Variants in DHDDS observed in about 807,000 individuals in gnomAD.
DHDDS encodes the protein dehydrodolichyl diphosphate synthase subunit.
Under a neutral mutation model 46.2 loss-of-function variants are expected in DHDDS, and 16 were observed. The observed-to-expected ratio is 0.35, with a 90% confidence interval of 0.23 to 0.53. DHDDS has a LOEUF of 0.53. Among genes scored for constraint, DHDDS ranks in the 20% least tolerant of loss-of-function variants. DHDDS has a pLI of 0.94. For synonymous variants in DHDDS, 151 were observed against 163.1 expected, an observed-to-expected ratio of 0.93 and a Z score of 0.56; for missense variants, 340 against 423.7, an observed-to-expected ratio of 0.80 and a Z score of 1.73.
At chr1:26,453,211 G>A (rs947727737) in intron 6 of DHDDS, among the ~76,000 whole-genome samples, 5 of 152,048 alleles carry the variant, frequency 3.3e-5, no homozygotes, top group East Asian at 3.9e-4. Context: ...TCAATGTTAC[G>A]AGTACTTTTC....
chr1:26,438,421 C>T (rs1316179900), intron 3 of DHDDS, 137 bp downstream of exon 3: 1 of 833,488 alleles, frequency 1.2e-6, no homozygotes, highest in African/African-American at 1.7e-5. Context: ...TGCTTGCTAG[C>T]TATAGATCTC....
intron 8 of DHDDS, among the ~76,000 whole-genome samples, chr1:26,463,052 G>C (rs2075441194): frequency 6.6e-6 from 1 of 152,236 alleles, no homozygotes; most frequent in African/African-American, 2.4e-5. Flanking sequence ...GGCAGGAAAT[G>C]AGGCTAGAGT....
intron 5 of DHDDS, 122 bp from the exon 6 acceptor site, chr1:26,447,437 A>G (rs2075279901): frequency 2.5e-6 from 2 of 803,736 alleles, no homozygotes; most frequent in African/African-American, 1.7e-5. Context: ...GGTATCCACA[A>G]TTAACATTTG....
Position 26,470,285 on chromosome 1 carries a change from C to T in DHDDS, c.*1154C>T, listed in dbSNP as rs2075539899. 6.6e-6 allele frequency: 1 copy of T among 151,608 alleles called. No individual in the cohort carries two copies. The highest frequency in any genetic ancestry group is 1.5e-5 in the Non-Finnish European group (1 of 68,030). The allele number at this position is 151,608 out of a possible 1,614,324, so 9.4% of individuals were successfully genotyped here. Reference sequence around the variant, plus strand: ...ACCAGCCAGCAACACCAACCAAATGCTACTCTCTTTAAAGTCCATTTTCCT... The same window carrying T: ...ACCAGCCAGCAACACCAACCAAATGTTACTCTCTTTAAAGTCCATTTTCCT... On this transcript the variant is annotated 3_prime_UTR_variant, in exon 9 of 9. Coordinates refer to ENST00000236342, the MANE Select transcript of DHDDS (RefSeq NM_205861.3).
chr1:26,458,000 G>T, intron 7 of DHDDS, 95 bp downstream of exon 7: 1 of 1,081,944 alleles, frequency 9.2e-7, no homozygotes, highest in East Asian at 2.4e-5. Context: ...CTCCCAAACA[G>T]GCTGGGGCCA....
intron 2 of DHDDS, among the ~76,000 whole-genome samples, chr1:26,437,520 G>C (rs2075172247): frequency 6.6e-6 from 1 of 151,412 alleles, no homozygotes; most frequent in African/African-American, 2.4e-5. Flanking sequence ...ACCCAGGCTG[G>C]AGTGCAGTGG....
intron 6 of DHDDS, 181 bp downstream of exon 6, chr1:26,447,841 C>A (rs552360072): frequency 2.0e-4 from 136 of 669,174 alleles, no homozygotes; most frequent in Middle Eastern, 7.9e-4. Flanking sequence ...ACAACAACAA[C>A]AAAAAAGCAG....
At position 26,456,156 on chromosome 1, in the gene DHDDS, C is replaced by T. The variant is rs143463980; in HGVS notation, c.543-1635C>T. Among the ~76,000 whole-genome samples the T allele has an allele frequency of 8.1e-4, 123 of 152,202 alleles. 2 individuals are homozygous for T. Among genetic ancestry groups the T allele is most frequent in the African/African-American group, 2.3e-3 (95 of 41,520 alleles). On this transcript the variant is annotated intron_variant, in intron 6 of 8. Coordinates refer to ENST00000236342, the MANE Select transcript of DHDDS (RefSeq NM_205861.3). ...ATCATATTGCTGTTTATTTAAAATC[C>T]GGTGTAATGTGGAATTTTTGCAATG...
intron 7 of DHDDS, among the ~76,000 whole-genome samples, chr1:26,458,751 A>G (rs1014430771): frequency 3.3e-5 from 5 of 151,802 alleles, no homozygotes; most frequent in South Asian, 2.1e-4. Flanking sequence ...AAAAAAAAAA[A>G]AAAAAGAAAA....
At position 26,446,342 on chromosome 1, in the gene DHDDS, G is replaced by A; in HGVS notation, c.350G>A (p.Cys117Tyr). 1 of 1,614,030 alleles carries A rather than the reference G, an allele frequency of 6.2e-7. No individual in the cohort carries two copies. The highest frequency in any genetic ancestry group is 8.5e-7 in the Non-Finnish European group (1 of 1,179,938). ...EKEKLQKHGV[C>Y]IRVLGDLHLL... Reference sequence around the variant, plus strand: ...GAGAAACTGCAGAAGCATGGGGTGTGTATCCGGGTCCTGGGCGATCTGCAC... The same window carrying A: ...GAGAAACTGCAGAAGCATGGGGTGTATATCCGGGTCCTGGGCGATCTGCAC... Residue 117 changes from cysteine to tyrosine, a missense_variant, in exon 5 of 9, where the codon TGT becomes TAT. This residue lies in a region of DHDDS where 268 missense variants were observed against 300.3 expected (regional missense o/e 0.89). Transcript: ENST00000236342.
intron 4 of DHDDS, among the ~76,000 whole-genome samples, chr1:26,444,153 G>T (rs918882282): frequency 6.6e-6 from 1 of 152,174 alleles, no homozygotes; most frequent in African/African-American, 2.4e-5. Flanking sequence ...TAATGAGATT[G>T]CGCTGATCAG....
chr1:26,464,427 T>C (rs2075461154), intron 8 of DHDDS, among the ~76,000 whole-genome samples: 1 of 152,234 alleles, frequency 6.6e-6, no homozygotes. Flanking sequence ...TTATTGCCTC[T>C]GTTTTTAGAG....
chr1:26,444,652 G>A lies in DHDDS; in HGVS notation c.324-1664G>A, dbSNP rs192350600. On this transcript the variant is annotated intron_variant, in intron 4 of 8. Coordinates refer to ENST00000236342, the MANE Select transcript of DHDDS (RefSeq NM_205861.3). ...TCCCAGCTATGTGGGAGGCTGAAGTGGGGGGATCACTGTGATGAGCCTGGG... is the reference window on the plus strand; with the variant it reads ...TCCCAGCTATGTGGGAGGCTGAAGTAGGGGGATCACTGTGATGAGCCTGGG... 8.5e-5 allele frequency among the ~76,000 whole-genome samples: 13 copies of A among 152,290 alleles called. No homozygotes were observed. In the East Asian group the frequency reaches 2.5e-3, roughly 29 times the overall value.
At chr1:26,432,540 G>A (rs2075114737) in intron 1 of DHDDS, 164 bp downstream of exon 1, 2 of 272,244 alleles carry the variant, frequency 7.3e-6, no homozygotes, top group Non-Finnish European at 1.5e-5. Context: ...GGAGCACAGA[G>A]TTGGAAACAG....
At chr1:26,468,842 C>T in intron 8 of DHDDS, 53 bp from the exon 9 acceptor site, 1 of 1,198,880 alleles carries the variant, frequency 8.3e-7, no homozygotes. Context: ...ATCCCAGTTT[C>T]ACCCACTCCT....
In DHDDS at chr1:26,470,558, C is replaced by T. The variant is rs1245213439; in HGVS notation, c.*1427C>T. 10 of 152,466 alleles carry T rather than the reference C, an allele frequency of 6.6e-5. No homozygotes were observed. Among genetic ancestry groups the T allele is most frequent in the Admixed American group, 5.9e-4 (9 of 15,282 alleles). The allele number at this position is 152,466 out of a possible 1,614,324, so 9.4% of individuals were successfully genotyped here. ...GGAAACCCCTAACTTTCCTATACCC[C>T]ACCCGCCTCTTCCCCTTTCTGTCCC... On this transcript the variant is annotated 3_prime_UTR_variant, in exon 9 of 9. Transcript: ENST00000236342.
intron 6 of DHDDS, among the ~76,000 whole-genome samples, chr1:26,451,078 A>G (rs2075314316): frequency 2.6e-5 from 4 of 152,032 alleles, no homozygotes; most frequent in Non-Finnish European, 5.9e-5. Flanking sequence ...AAGTTTTTCC[A>G]TATCCTTCTC....
chr1:26,448,080 C>T (rs927146590), intron 6 of DHDDS: 6 of 313,664 alleles, frequency 1.9e-5, no homozygotes, highest in African/African-American at 1.3e-4. Context: ...CCCTCCTGGC[C>T]CTTTGGTAGT....
intron 8 of DHDDS, among the ~76,000 whole-genome samples, chr1:26,468,050 C>T (rs2075510144): frequency 6.6e-6 from 1 of 152,192 alleles, no homozygotes; most frequent in South Asian, 2.1e-4. Context: ...TAACTGCTGC[C>T]AGGGAGTATG....
Sources: allele counts gnomAD v4.1 joint callset (sites outside exome capture counted in the v4.1 genomes callset), GRCh38; gene constraint gnomAD v4.1.1; regional missense constraint gnomAD v4.1.1; transcripts MANE v1.5; gene names NCBI Gene and HGNC (gene_info 2026-07-23, HGNC 2026-07-21).